Variants in SGCZ observed in about 807,000 individuals in gnomAD.
The protein encoded by SGCZ is sarcoglycan zeta.
Under a neutral mutation model 41.3 loss-of-function variants are expected in SGCZ, and 40 were observed. That is an observed-to-expected ratio of 0.97 (90% CI 0.75 to 1.26). The LOEUF (loss-of-function observed/expected upper bound fraction) is 1.26. Ranked by LOEUF, SGCZ falls within the 50% of genes most tolerant of loss-of-function variation. SGCZ has a pLI of 0.00. For missense variants in SGCZ, 552 were observed against 369.8 expected (o/e 1.49, Z -4.04); for synonymous variants, 206 against 137.5 (o/e 1.50, Z -3.49).
At chr8:14,588,576 G>A (rs1342526120) in intron 1 of SGCZ, among the ~76,000 whole-genome samples, 1 of 151,946 alleles carries the variant, frequency 6.6e-6, no homozygotes, top group African/African-American at 2.4e-5. Flanking sequence ...CAAATAGAAT[G>A]TTTAAACTAC....
At position 15,237,810 on chromosome 8, in the gene SGCZ, G is replaced by A; in HGVS notation, c.-187C>T. On this transcript the variant is annotated 5_prime_UTR_variant, in exon 1 of 8. Transcript: ENST00000382080. ...ATAAGGAAAATAAATAAATAATAAT[G>A]ATAATTCACTTTATTTTACTTCCTC... 1.8e-6 allele frequency: 1 copy of A among 569,510 alleles called. No homozygotes were observed. Among genetic ancestry groups the A allele is most frequent in the Non-Finnish European group, 3.1e-6 (1 of 318,720 alleles). The allele number at this position is 569,510 out of a possible 1,614,324, so 35.3% of individuals were successfully genotyped here.
chr8:14,956,004 T>C (rs1446354088), intron 1 of SGCZ, among the ~76,000 whole-genome samples: 1 of 151,934 alleles, frequency 6.6e-6, no homozygotes, highest in African/African-American at 2.4e-5. Context: ...CGAAATTTAT[T>C]TTTAGTGCTT....
chr8:15,178,815 C>T (rs537864530), intron 1 of SGCZ, among the ~76,000 whole-genome samples: 3 of 152,186 alleles, frequency 2.0e-5, no homozygotes, highest in South Asian at 2.1e-4. Flanking sequence ...AAAAACTAGA[C>T]GAAGGCAAAC....
At chr8:14,461,712 G>A (rs1346579500) in intron 2 of SGCZ, among the ~76,000 whole-genome samples, 2 of 152,042 alleles carry the variant, frequency 1.3e-5, no homozygotes, top group South Asian at 4.1e-4. Context: ...TCAACGCAAA[G>A]TCCTACAAAA....
rs376091144 is a variant in SGCZ at position 14,566,745 on chromosome 8, G to A, written c.40-11819C>T. Among the ~76,000 whole-genome samples, 404 of 152,348 alleles carry A rather than the reference G, an allele frequency of 2.7e-3. 2 individuals carry two copies. The highest frequency in any genetic ancestry group is 8.7e-3 in the African/African-American group (360 of 41,592). ...CCGTACTTGAGGAGCCCTTCAGCCC[G>A]CCGCTGCACTGTGGGAGCCCCTTTC... On this transcript the variant is annotated intron_variant, in intron 1 of 7. Coordinates refer to ENST00000382080, the MANE Select transcript of SGCZ (RefSeq NM_139167.4).
At chr8:14,976,104 C>T (rs1015536598) in intron 1 of SGCZ, among the ~76,000 whole-genome samples, 1 of 150,958 alleles carries the variant, frequency 6.6e-6, no homozygotes, top group Non-Finnish European at 1.5e-5. Flanking sequence ...CTCACTGTAA[C>T]CTCTGCCTCC....
At chr8:15,063,164 G>C (rs535070316) in intron 1 of SGCZ, among the ~76,000 whole-genome samples, 1 of 152,076 alleles carries the variant, frequency 6.6e-6, no homozygotes, top group Non-Finnish European at 1.5e-5. Flanking sequence ...TTTCCCACTA[G>C]TTCGATAGAC....
intron 3 of SGCZ, among the ~76,000 whole-genome samples, chr8:14,313,902 T>C (rs1161785895): frequency 7.5e-6 from 1 of 133,852 alleles, no homozygotes; most frequent in Non-Finnish European, 1.6e-5. Context: ...TAGGGTTATA[T>C]CATCTCTCTG....
intron 1 of SGCZ, among the ~76,000 whole-genome samples, chr8:14,732,109 C>T (rs1585216692): frequency 6.6e-6 from 1 of 152,156 alleles, no homozygotes; most frequent in Admixed American, 6.5e-5. Flanking sequence ...GGAAAAAACA[C>T]TCTATTCTTT....
At chr8:14,559,210 T>G (rs992224244) in intron 1 of SGCZ, among the ~76,000 whole-genome samples, 2 of 152,040 alleles carry the variant, frequency 1.3e-5, no homozygotes, top group Middle Eastern at 3.2e-3. Context: ...GCTGATGATA[T>G]GATTGTATAC....
chr8:14,604,341 A>G (rs929878895), intron 1 of SGCZ, among the ~76,000 whole-genome samples: 7 of 152,174 alleles, frequency 4.6e-5, no homozygotes, highest in Non-Finnish European at 7.4e-5. Context: ...GTGTAAGCTC[A>G]CCAGGAAAGT....
intron 1 of SGCZ, among the ~76,000 whole-genome samples, chr8:14,787,612 C>A (rs1316659590): frequency 1.3e-5 from 2 of 151,950 alleles, no homozygotes; most frequent in Admixed American, 6.6e-5. Flanking sequence ...TTTGGGGGAC[C>A]AAAGTGGGCG....
intron 2 of SGCZ, among the ~76,000 whole-genome samples, chr8:14,485,987 G>A (rs113326200): frequency 6.6e-6 from 1 of 151,720 alleles, no homozygotes; most frequent in Admixed American, 6.6e-5. Flanking sequence ...GACTACAGGC[G>A]TCCGCCACCG....
At chr8:15,212,985 A>G (rs1801283165) in intron 1 of SGCZ, among the ~76,000 whole-genome samples, 1 of 152,070 alleles carries the variant, frequency 6.6e-6, no homozygotes, top group African/African-American at 2.4e-5. Context: ...GCTTAACATC[A>G]TAAAACAAAA....
intron 1 of SGCZ, among the ~76,000 whole-genome samples, chr8:14,864,056 T>C (rs1803843953): frequency 6.6e-6 from 1 of 152,130 alleles, no homozygotes; most frequent in African/African-American, 2.4e-5. Flanking sequence ...CCCACATCAA[T>C]ATATTTCCTG....
intron 2 of SGCZ, among the ~76,000 whole-genome samples, chr8:14,405,009 C>T (rs1158813144): frequency 6.6e-6 from 1 of 152,192 alleles, no homozygotes; most frequent in Non-Finnish European, 1.5e-5. Flanking sequence ...CACATCCAGC[C>T]TGGTGAGGCA....
intron 1 of SGCZ, among the ~76,000 whole-genome samples, chr8:15,003,927 C>A (rs189077789): frequency 1.1e-4 from 16 of 152,260 alleles, no homozygotes; most frequent in African/African-American, 3.9e-4. Context: ...ATATGAAATA[C>A]ATCTCATGCT....
intron 2 of SGCZ, among the ~76,000 whole-genome samples, chr8:14,446,647 T>C (rs997063450): frequency 2.0e-5 from 3 of 152,198 alleles, no homozygotes; most frequent in African/African-American, 4.8e-5. Context: ...CATTAATTTA[T>C]ATGCACTTAA....
At chr8:14,841,207 T>C (rs2130627165) in intron 1 of SGCZ, among the ~76,000 whole-genome samples, 1 of 152,250 alleles carries the variant, frequency 6.6e-6, no homozygotes, top group South Asian at 2.1e-4. Flanking sequence ...AGACTAAATG[T>C]TATGGGCTGT....
Sources: gnomAD v4.1 joint callset for allele counts (sites outside exome capture counted in the v4.1 genomes callset) on GRCh38, gnomAD v4.1.1 for gene constraint, MANE v1.5 for transcripts, NCBI Gene and HGNC (gene_info 2026-07-23, HGNC 2026-07-21) for gene names.